Variants in HIVEP1 observed in about 807,000 individuals in gnomAD.
The protein encoded by HIVEP1 is zinc finger protein 40.
Under a neutral mutation model 180.0 loss-of-function variants are expected in HIVEP1, and 36 were observed. That is an observed-to-expected ratio of 0.20 (90% confidence interval 0.15 to 0.26). The LOEUF (loss-of-function observed/expected upper bound fraction) is 0.26, where lower values mean the gene tolerates loss of function less well. HIVEP1 is among the 10% of genes least tolerant of loss of function. The pLI is 1.00. For synonymous variants in HIVEP1, 1,239 were observed against 1,239.0 expected, an observed-to-expected ratio of 1.00 and a Z score of 0.00; for missense variants, 3,143 against 3,268.7, an observed-to-expected ratio of 0.96 and a Z score of 0.94.
intron 2 of HIVEP1, among the ~76,000 whole-genome samples, chr6:12,078,770 T>C (rs1343497363): frequency 6.7e-6 from 1 of 149,046 alleles, no homozygotes; most frequent in Non-Finnish European, 1.5e-5. Context: ...ATGTAATTAT[T>C]TGCTGACAAG....
intron 6 of HIVEP1, among the ~76,000 whole-genome samples, chr6:12,133,807 G>A (rs536668423): frequency 3.9e-5 from 6 of 152,094 alleles, no homozygotes; most frequent in South Asian, 4.2e-4. Flanking sequence ...GTGAAACCCC[G>A]TCTTAACTAA....
intron 2 of HIVEP1, among the ~76,000 whole-genome samples, chr6:12,051,587 C>A (rs1055729555): frequency 2.6e-5 from 4 of 151,348 alleles, no homozygotes; most frequent in African/African-American, 9.7e-5. Flanking sequence ...TTATTTCACC[C>A]TAATTAAATA....
At chr6:12,209,063 T>C in the HIVEP1 span, among the ~76,000 whole-genome samples, 1 of 152,356 alleles carries the variant, frequency 6.6e-6, no homozygotes, top group East Asian at 1.9e-4. Context: ...GATACCTTCC[T>C]GGCTCCTTCC....
chr6:12,133,851 G>A (rs184721173), intron 6 of HIVEP1, among the ~76,000 whole-genome samples: 88 of 152,116 alleles, frequency 5.8e-4, no homozygotes, highest in African/African-American at 2.0e-3. Flanking sequence ...AGTGGCAGGC[G>A]CCTGTAATCC....
downstream of HIVEP1, among the ~76,000 whole-genome samples, chr6:12,167,705 A>G (rs1315004762): frequency 1.3e-5 from 1 of 79,942 alleles, no homozygotes; most frequent in African/African-American, 4.9e-5. Context: ...ACATATATAC[A>G]TATATGCATA....
chr6:12,056,498 G>C (rs1483748961), intron 2 of HIVEP1, among the ~76,000 whole-genome samples: 1 of 152,116 alleles, frequency 6.6e-6, no homozygotes, highest in Non-Finnish European at 1.5e-5. Flanking sequence ...TTTGTAAGTT[G>C]AATTTGAATA....
chr6:12,018,798 T>A (rs1047001031), intron 2 of HIVEP1, among the ~76,000 whole-genome samples: 7 of 152,166 alleles, frequency 4.6e-5, no homozygotes, highest in African/African-American at 1.7e-4. Context: ...TAAATGGTTC[T>A]CTACTTCTAG....
At chr6:12,126,430 C>T (rs528285135) in intron 4 of HIVEP1, among the ~76,000 whole-genome samples, 3 of 152,126 alleles carry the variant, frequency 2.0e-5, no homozygotes, top group Non-Finnish European at 1.5e-5. Flanking sequence ...CAAAATAATT[C>T]ATATACTTGG....
chr6:12,015,376 TTAA>T, intron 1 of HIVEP1, 147 bp from the exon 2 acceptor site: 1 of 380,280 alleles, frequency 2.6e-6, no homozygotes, highest in Non-Finnish European at 4.7e-6. Context: ...TGACCTCTGT[TTAA>T]TTAAAAGTTA....
chr6:12,114,527 G>T (rs750296897), intron 3 of HIVEP1, among the ~76,000 whole-genome samples: 1 of 151,652 alleles, frequency 6.6e-6, no homozygotes, highest in Non-Finnish European at 1.5e-5. Flanking sequence ...ATTCTCTTTG[G>T]CTTATCATTT....
rs559659917 is a variant in HIVEP1, at chr6:12,072,058, C to T, written c.41-17126C>T. 7.0e-4 allele frequency among the ~76,000 whole-genome samples: 105 copies of T among 151,078 alleles called. 1 individual carries two copies. The highest frequency in any genetic ancestry group is 2.4e-3 in the African/African-American group (98 of 41,178). On this transcript the variant is annotated intron_variant, in intron 2 of 8. Coordinates refer to ENST00000379388, the MANE Select transcript of HIVEP1 (RefSeq NM_002114.4). ...TTACAGATTTTGTGGACCTCATAGT[C>T]TGCAGTCTTTGTCACATATTCTTCT...
the HIVEP1 span, among the ~76,000 whole-genome samples, chr6:12,192,638 G>A: frequency 6.6e-5 from 10 of 152,008 alleles, no homozygotes; most frequent in East Asian, 1.9e-4. Context: ...CTCTTCTGCC[G>A]CCATGTGAAG....
intron 2 of HIVEP1, among the ~76,000 whole-genome samples, chr6:12,051,779 A>G (rs189775984): frequency 6.6e-6 from 1 of 152,216 alleles, no homozygotes; most frequent in African/African-American, 2.4e-5. Context: ...TTTTATATAA[A>G]TCTTTATAAA....
chr6:12,117,251 C>G (rs1164610627), intron 3 of HIVEP1, among the ~76,000 whole-genome samples: 1 of 152,060 alleles, frequency 6.6e-6, no homozygotes, highest in African/African-American at 2.4e-5. Context: ...TAGCACCAGT[C>G]AAGTGTTAAA....
chr6:12,098,759 A>T (rs1204366153), intron 3 of HIVEP1, among the ~76,000 whole-genome samples: 1 of 152,200 alleles, frequency 6.6e-6, no homozygotes, highest in African/African-American at 2.4e-5. Context: ...ACTGGGAGGA[A>T]GTCTATAAAA....
the HIVEP1 span, among the ~76,000 whole-genome samples, chr6:12,176,358 A>G: frequency 6.6e-6 from 1 of 151,396 alleles, no homozygotes; most frequent in Non-Finnish European, 1.5e-5. Flanking sequence ...CAGCCTCCCA[A>G]GTAGCTGGGA....
intron 7 of HIVEP1, among the ~76,000 whole-genome samples, chr6:12,153,268 C>G (rs1206207922): frequency 6.6e-6 from 1 of 152,068 alleles, no homozygotes; most frequent in Non-Finnish European, 1.5e-5. Context: ...TCTGATGATT[C>G]TGTAGTTAGA....
At chr6:12,156,924 A>ACAG (rs1375929491) in intron 7 of HIVEP1, among the ~76,000 whole-genome samples, 24 of 152,088 alleles carry the variant, frequency 1.6e-4, no homozygotes, top group Admixed American at 9.8e-4. Context: ...TTAATTACCG[A>ACAG]GAGTGGATTA....
chr6:12,054,193 C>T (rs1770717103), intron 2 of HIVEP1, among the ~76,000 whole-genome samples: 2 of 152,166 alleles, frequency 1.3e-5, no homozygotes, highest in Admixed American at 1.3e-4. Flanking sequence ...ACTCATTTGC[C>T]TGATGACTCT....
Sources: gnomAD v4.1 joint callset for allele counts (sites outside exome capture counted in the v4.1 genomes callset) on GRCh38, gnomAD v4.1.1 for gene constraint, MANE v1.5 for transcripts, NCBI Gene and HGNC (gene_info 2026-07-23, HGNC 2026-07-21) for gene names.